UBE2H: variants seen among roughly 807,000 people sequenced by gnomAD.
UBE2H encodes the protein ubiquitin-conjugating enzyme E2 H.
A neutral mutation model predicts 29.0 loss-of-function variants in UBE2H; 3 were observed. That is an observed-to-expected ratio of 0.10 (90% CI 0.05 to 0.27). The LOEUF (loss-of-function observed/expected upper bound fraction) is 0.27. Ranked by LOEUF, UBE2H falls within the 10% of genes least tolerant of loss-of-function variation. The probability of loss-of-function intolerance (pLI) is 1.00; values close to 1 mark genes in which losing one functional copy is unlikely to be tolerated. For missense variants in UBE2H, 68 were observed against 228.2 expected (o/e 0.30, Z 4.52); for synonymous variants, 69 against 82.9 (o/e 0.83, Z 0.91).
At chr7:129,842,569 T>A (rs1253708419) in intron 5 of UBE2H, among the ~76,000 whole-genome samples, 1 of 152,150 alleles carries the variant, frequency 6.6e-6, no homozygotes, top group East Asian at 1.9e-4. Context: ...GGTGGGTGAG[T>A]TATTAAGGCA....
intron 3 of UBE2H, among the ~76,000 whole-genome samples, chr7:129,866,480 A>G (rs1296754657): frequency 6.6e-6 from 1 of 152,178 alleles, no homozygotes; most frequent in Non-Finnish European, 1.5e-5. Flanking sequence ...GGTCGTTCAT[A>G]TAACCACACT....
intron 6 of UBE2H, among the ~76,000 whole-genome samples, chr7:129,837,546 G>A (rs1231096252): frequency 2.0e-5 from 3 of 148,942 alleles, no homozygotes; most frequent in Non-Finnish European, 4.4e-5. Context: ...GAGCCCACAG[G>A]AGCAGATCAC....
intron 1 of UBE2H, among the ~76,000 whole-genome samples, chr7:129,901,686 C>A (rs779358630): frequency 1.3e-5 from 2 of 152,002 alleles, no homozygotes; most frequent in Admixed American, 6.6e-5. Flanking sequence ...CCTCTGCCTC[C>A]CGGGTTCAAG....
chr7:129,855,412 T>C (rs994501102), intron 5 of UBE2H, among the ~76,000 whole-genome samples: 6 of 152,242 alleles, frequency 3.9e-5, no homozygotes, highest in African/African-American at 1.4e-4. Context: ...CAGCCTGCCA[T>C]GAGACATTTT....
chr7:129,932,857 A>C (rs1807438808), intron 1 of UBE2H, among the ~76,000 whole-genome samples: 1 of 151,632 alleles, frequency 6.6e-6, no homozygotes, highest in Non-Finnish European at 1.5e-5. Context: ...AAGGGCACAT[A>C]ATGAATCAAT....
chr7:129,924,527 T>G (rs1161995831), intron 1 of UBE2H, among the ~76,000 whole-genome samples: 2 of 152,046 alleles, frequency 1.3e-5, no homozygotes, highest in Non-Finnish European at 2.9e-5. Flanking sequence ...AGATTCAAAA[T>G]GAGATTTTAT....
Position 129,941,886 on chromosome 7 carries a change from CA to C in UBE2H, c.53+10616del, listed in dbSNP as rs553134821. Among the ~76,000 whole-genome samples, 494 of 151,026 alleles carry C rather than the reference CA, an allele frequency of 3.3e-3. 3 individuals carry two copies. The highest frequency in any genetic ancestry group is 0.011 in the African/African-American group (467 of 41,242). ...ACCTATCAAATAACTCTTAAGATGC[CA>C]AAAAAAAATTTTAAGCACCATTTCA... On this transcript the variant is annotated intron_variant, in intron 1 of 6. Transcript: ENST00000355621.
At chr7:129,838,012 T>C (rs1805362140) in intron 6 of UBE2H, among the ~76,000 whole-genome samples, 1 of 152,218 alleles carries the variant, frequency 6.6e-6, no homozygotes, top group Non-Finnish European at 1.5e-5. Flanking sequence ...CCAAGATATC[T>C]GTGGTTTGCA....
intron 1 of UBE2H, among the ~76,000 whole-genome samples, chr7:129,925,881 T>C (rs1467649018): frequency 6.6e-6 from 1 of 152,178 alleles, no homozygotes; most frequent in Non-Finnish European, 1.5e-5. Context: ...AAGCCCGCCC[T>C]TATCTGCCTC....
At chr7:129,857,343 G>T in intron 5 of UBE2H, 168 bp downstream of exon 5, 1 of 644,936 alleles carries the variant, frequency 1.6e-6, no homozygotes, top group Non-Finnish European at 2.7e-6. Context: ...TGATATATTT[G>T]TACTTAAGAG....
intron 5 of UBE2H, among the ~76,000 whole-genome samples, chr7:129,841,995 G>T (rs78885912): frequency 7.2e-4 from 110 of 152,230 alleles, no homozygotes; most frequent in African/African-American, 2.3e-3. Flanking sequence ...CTTGAATGCT[G>T]GGTAGAGAAA....
At chr7:129,911,070 A>C (rs2116446982) in intron 1 of UBE2H, among the ~76,000 whole-genome samples, 1 of 151,202 alleles carries the variant, frequency 6.6e-6, no homozygotes, top group East Asian at 2.0e-4. Context: ...GGAGAGAATA[A>C]AGAGGCAGAA....
At chr7:129,856,219 T>C (rs1268929321) in intron 5 of UBE2H, among the ~76,000 whole-genome samples, 2 of 152,334 alleles carry the variant, frequency 1.3e-5, no homozygotes, top group African/African-American at 4.8e-5. Context: ...GTGGCTGGAC[T>C]AAGAAGTCTT....
intron 1 of UBE2H, among the ~76,000 whole-genome samples, chr7:129,932,773 C>CAAAAAAA (rs1208871059): frequency 0.011 from 357 of 33,188 alleles, 23 homozygotes; most frequent in East Asian, 0.034. Flanking sequence ...GACTCCGTCT[C>CAAAAAAA]AAAAAAAAAA....
chr7:129,895,360 A>T (rs988698075), intron 1 of UBE2H, among the ~76,000 whole-genome samples: 7 of 152,196 alleles, frequency 4.6e-5, no homozygotes, highest in African/African-American at 1.7e-4. Context: ...TGCAGGAAGA[A>T]CCTTGTCATT....
chr7:129,882,102 T>C (rs1036065708), intron 1 of UBE2H, among the ~76,000 whole-genome samples: 2 of 152,188 alleles, frequency 1.3e-5, no homozygotes, highest in Non-Finnish European at 2.9e-5. Context: ...CTCTAAAACT[T>C]ACCTACCCCT....
chr7:129,926,160 A>G (rs1016640118), intron 1 of UBE2H, among the ~76,000 whole-genome samples: 1 of 152,162 alleles, frequency 6.6e-6, no homozygotes. Context: ...GAAAAAGTCT[A>G]TGATTTTTTC....
chr7:129,924,625 C>T (rs985212754), intron 1 of UBE2H, among the ~76,000 whole-genome samples: 1 of 151,328 alleles, frequency 6.6e-6, no homozygotes, highest in Non-Finnish European at 1.5e-5. Flanking sequence ...TTCACACACA[C>T]ACACACACAC....
rs147241446 is a variant in UBE2H, at chr7:129,922,749, G to A, written c.53+29754C>T. Among the ~76,000 whole-genome samples the A allele has an allele frequency of 2.7e-3, 418 of 152,212 alleles. 1 individual carries two copies. The highest frequency in any genetic ancestry group is 4.6e-3 in the Non-Finnish European group (316 of 67,998). ...TTTATTTATACTATTCTAATTATAT[G>A]TATCTGAGTTATTTTGTTTTAGAGA... On this transcript the variant is annotated intron_variant, in intron 1 of 6. Transcript: ENST00000355621.
Sources: gnomAD v4.1 joint callset for allele counts (sites outside exome capture counted in the v4.1 genomes callset) on GRCh38, gnomAD v4.1.1 for gene constraint, MANE v1.5 for transcripts, NCBI Gene and HGNC (gene_info 2026-07-23, HGNC 2026-07-21) for gene names.